Variants in HMCN2 observed in about 807,000 individuals in gnomAD.
HMCN2 encodes the protein hemicentin-2.
A neutral mutation model predicts 377.5 loss-of-function variants in HMCN2; 325 were observed. The observed-to-expected ratio is 0.86, with a 90% CI of 0.79 to 0.94. HMCN2 has a LOEUF of 0.94. HMCN2 is among the 40% of genes least tolerant of loss of function. HMCN2 has a pLI of 0.00. For missense variants in HMCN2, 4,543 were observed against 4,725.3 expected (o/e 0.96, Z 1.13); for synonymous variants, 2,007 against 2,046.8 (o/e 0.98, Z 0.53).
chr9:130,392,774 A>G (rs1303090675), intron 66 of HMCN2, among the ~76,000 whole-genome samples: 3 of 152,118 alleles, frequency 2.0e-5, no homozygotes, highest in Non-Finnish European at 2.9e-5. Context: ...AGGCGGGCAG[A>G]TTACAAGGTC....
At chr9:130,353,718 G>A (rs1472704283) in intron 31 of HMCN2, among the ~76,000 whole-genome samples, 2 of 152,182 alleles carry the variant, frequency 1.3e-5, no homozygotes, top group Admixed American at 6.5e-5. Flanking sequence ...CGGTCCTTAC[G>A]CGGGCAGATC....
intron 39 of HMCN2, 67 bp from the exon 40 acceptor site, chr9:130,362,800 G>T (rs944324442): frequency 4.0e-5 from 39 of 982,370 alleles, no homozygotes; most frequent in Admixed American, 6.1e-5. Context: ...GGCAGGTGGG[G>T]TTCTGCCCCT....
chr9:130,339,546 T>G (rs1310883847), intron 23 of HMCN2, among the ~76,000 whole-genome samples: 1 of 152,234 alleles, frequency 6.6e-6, no homozygotes, highest in African/African-American at 2.4e-5. Context: ...GTTTGAGTCC[T>G]GACTGTGCTG....
rs1201825302 is a variant in HMCN2, at chr9:130,395,515, C to T, written c.10911+168C>T. On this transcript the variant is annotated intron_variant, in intron 71 of 97. Coordinates refer to ENST00000683500, the MANE Select transcript of HMCN2 (RefSeq NM_001291815.2). ...CCCCCGCCATTGTCATTGTCACTCC[C>T]ATTTTATGGATGGGGACACTGAGGC... Among the ~76,000 whole-genome samples the T allele has an allele frequency of 2.0e-5, 3 of 152,170 alleles. No individual in the cohort carries two copies. The South Asian group carries it at 6.2e-4, about 32-fold the overall frequency.
chr9:130,417,582 G>GGA (rs369795218), intron 85 of HMCN2, among the ~76,000 whole-genome samples: 3 of 151,104 alleles, frequency 2.0e-5, no homozygotes, highest in Non-Finnish European at 3.0e-5. Flanking sequence ...GTGTGGCAGG[G>GGA]GAGAGAGAGA....
rs971204643 is a variant in HMCN2 at position 130,407,610 on chromosome 9, G to T, written c.12593G>T (p.Arg4198Leu). 1.6e-6 allele frequency: 2 copies of T among 1,289,146 alleles called. No homozygotes were observed. The highest frequency in any genetic ancestry group is 2.0e-6 in the Non-Finnish European group (2 of 988,548). The allele number at this position is 1,289,146 out of a possible 1,614,324, so 79.9% of individuals were successfully genotyped here. A position where few individuals can be genotyped will look rare whatever the true frequency, so the allele number is the denominator to read the frequency against. The change falls in exon 83 of 98, where the codon CGG becomes CTG. Residue 4198 changes from arginine (R) to leucine (L), a missense_variant. Coordinates refer to ENST00000683500, the MANE Select transcript of HMCN2 (RefSeq NM_001291815.2). ...CAGGATGGAGGCAGCACGCTGCAGC[G>T]GGCCGCTGTCTCCAGAGAAGACAGC... Reference protein sequence around the residue: ...SEQDGGSTLQRAAVSREDSGT... With the variant: ...SEQDGGSTLQLAAVSREDSGT...
At position 130,349,634 on chromosome 9, in the gene HMCN2, G is replaced by A. The variant is rs915908948; in HGVS notation, c.4401G>A (p.Thr1467=). ...AGTGTTGGACCTCAGGGGTCCCCAC[G>A]CCCCAGGTGGAGTGGACCAAGGACA... ...ELQCWTSGVP[T]PQVEWTKDRQ... The change falls in exon 29 of 98, where the codon ACG becomes ACA. Residue 1467 remains threonine, a synonymous_variant. Transcript: ENST00000683500. 5 of 1,304,026 alleles carry A rather than the reference G, an allele frequency of 3.8e-6. No homozygotes were observed. The highest frequency in any genetic ancestry group is 5.6e-5 in the East Asian group (1 of 18,014). 80.8% of individuals were successfully genotyped at this position (1,304,026 alleles called of 1,614,324 possible).
chr9:130,390,540 AGG>A (rs1490577609), intron 62 of HMCN2, among the ~76,000 whole-genome samples: 3 of 152,046 alleles, frequency 2.0e-5, no homozygotes, highest in African/African-American at 7.2e-5. Flanking sequence ...GAGAGAATGA[AGG>A]GGGAGGCCTG....
chr9:130,393,522 G>A lies in HMCN2; in HGVS notation c.10234+213G>A. 6.6e-6 allele frequency among the ~76,000 whole-genome samples: 1 copy of A among 152,340 alleles called. No individual in the cohort carries two copies. The highest frequency in any genetic ancestry group is 1.9e-4 in the East Asian group (1 of 5,188). On this transcript the variant is annotated intron_variant, in intron 67 of 97. Transcript: ENST00000683500. The surrounding 1 kb of genome is among the most constrained non-coding windows in gnomAD (Gnocchi z 5.2). ...TCTGGTATGCCCAGGATAGGCGGGG[G>A]CAGAGAGGCAGGAAGCAGCTCAGTA... is the stretch of plus-strand genomic sequence containing the variant.
intron 41 of HMCN2, among the ~76,000 whole-genome samples, chr9:130,365,427 G>T (rs575084282): frequency 3.3e-5 from 5 of 152,372 alleles, no homozygotes; most frequent in South Asian, 4.1e-4. Context: ...CATCGAGGGG[G>T]CCCTTCTCAG....
chr9:130,407,681 G>T lies in HMCN2; in HGVS notation c.12664G>T (p.Ala4222Ser). 1 of 1,258,040 alleles carries T rather than the reference G, an allele frequency of 7.9e-7. No individual in the cohort carries two copies. The highest frequency in any genetic ancestry group is 1.0e-6 in the Non-Finnish European group (1 of 968,700). The allele number at this position is 1,258,040 out of a possible 1,614,324, so 77.9% of individuals were successfully genotyped here. Reference protein sequence around the residue: ...WAENRVGRTQAVSFVHVKEAP... With the variant: ...WAENRVGRTQSVSFVHVKEAP... ...GGAGAACAGAGTGGGCCGCACGCAG[G>T]CGGTCAGCTTCGTCCACGTGAAGGG... Residue 4222 changes from alanine (A) to serine (S), a missense_variant, in exon 83 of 98, where the codon GCG becomes TCG. Transcript: ENST00000683500.
chr9:130,326,855 C>G (rs1838160015), intron 21 of HMCN2, among the ~76,000 whole-genome samples: 1 of 152,152 alleles, frequency 6.6e-6, no homozygotes, highest in South Asian at 2.1e-4. Flanking sequence ...AGATTGCCAT[C>G]AATCCCTCAC....
Position 130,408,782 on chromosome 9 carries a change from T to C in HMCN2, c.12728T>C (p.Val4243Ala), listed in dbSNP as rs1226101189. Residue 4243 changes from valine to alanine, a missense_variant, in exon 84 of 98, where the codon GTG (valine) becomes GCG (alanine). Around this residue, in one of 5 missense-constraint regions of HMCN2, gnomAD observed 1,073 missense variants for 1,319.5 expected, o/e 0.81. Coordinates refer to ENST00000683500, the MANE Select transcript of HMCN2 (RefSeq NM_001291815.2). ...CAAGGGGAGGCTTTCTCCTACCTGG[T>C]GGAACCTGTAGGAGGCAGCATTCAG... ...VLQGEAFSYL[V>A]EPVGGSIQLD... 1.6e-6 allele frequency: 2 copies of C among 1,289,598 alleles called. No individual in the cohort carries two copies. Among genetic ancestry groups the C allele is most frequent in the East Asian group, 1.1e-4 (2 of 18,018 alleles). 79.9% of individuals were successfully genotyped at this position (1,289,598 alleles called of 1,614,324 possible).
At chr9:130,349,369 T>C (rs1360142758) in intron 28 of HMCN2, among the ~76,000 whole-genome samples, 168 bp from the exon 29 acceptor site, 1 of 151,898 alleles carries the variant, frequency 6.6e-6, no homozygotes, top group Non-Finnish European at 1.5e-5. Context: ...GTCTGGGTGC[T>C]GAGGGCTCCA....
chr9:130,324,039 C>T (rs1018165460), intron 19 of HMCN2, among the ~76,000 whole-genome samples: 136 of 152,314 alleles, frequency 8.9e-4, no homozygotes, highest in African/African-American at 3.1e-3. Context: ...CATAACATAA[C>T]GTGTATCATT....
chr9:130,313,354 C>T (rs929452773), intron 15 of HMCN2, among the ~76,000 whole-genome samples: 6 of 146,236 alleles, frequency 4.1e-5, no homozygotes, highest in African/African-American at 1.5e-4. Context: ...AGGGCCTGCA[C>T]TTGTGGACCA....
chr9:130,332,759 G>C (rs1312882311), intron 22 of HMCN2, among the ~76,000 whole-genome samples: 1 of 152,204 alleles, frequency 6.6e-6, no homozygotes, highest in Non-Finnish European at 1.5e-5. Context: ...AGTGGTTTCC[G>C]GGAGGGGTTC....
chr9:130,302,198 A>G (rs1435147892), intron 8 of HMCN2, among the ~76,000 whole-genome samples: 1 of 152,138 alleles, frequency 6.6e-6, no homozygotes, highest in East Asian at 1.9e-4. Context: ...CAGGAACGCG[A>G]CACCACGCCC....
chr9:130,272,004 C>T (rs1554921300), intron 1 of HMCN2, among the ~76,000 whole-genome samples: 4 of 149,218 alleles, frequency 2.7e-5, no homozygotes, highest in Non-Finnish European at 6.0e-5. Flanking sequence ...AGAACCTCCA[C>T]GTCTAACAGT....
Sources: allele counts gnomAD v4.1 joint callset (sites outside exome capture counted in the v4.1 genomes callset), GRCh38; gene constraint gnomAD v4.1.1; regional missense constraint gnomAD v4.1.1; non-coding constraint Gnocchi (gnomAD v3.1); transcripts MANE v1.5; gene names NCBI Gene and HGNC (gene_info 2026-07-23, HGNC 2026-07-21).